ZBTB7C: variants seen among roughly 807,000 people sequenced by gnomAD.
ZBTB7C encodes zinc finger and BTB domain-containing protein 7C.
A neutral mutation model predicts 25.7 loss-of-function variants in ZBTB7C; 8 were observed. That is an observed-to-expected ratio of 0.31 (90% CI 0.18 to 0.56). The LOEUF is 0.56. Among genes scored for constraint, ZBTB7C ranks in the 20% least tolerant of loss-of-function variants. The pLI is 0.91. For synonymous variants in ZBTB7C, 394 were observed against 369.0 expected, an observed-to-expected ratio of 1.07 and a Z score of -0.78; for missense variants, 824 against 855.2, an observed-to-expected ratio of 0.96 and a Z score of 0.46.
intron 2 of ZBTB7C, among the ~76,000 whole-genome samples, chr18:48,255,632 G>A (rs1346892099): frequency 6.6e-6 from 1 of 152,174 alleles, no homozygotes; most frequent in Non-Finnish European, 1.5e-5. Context: ...TACAAGAAAA[G>A]TAACTTTGAA....
At chr18:48,103,636 A>T (rs1459309972) in intron 3 of ZBTB7C, among the ~76,000 whole-genome samples, 1 of 152,226 alleles carries the variant, frequency 6.6e-6, no homozygotes, top group Non-Finnish European at 1.5e-5. Flanking sequence ...CTGTGCACAA[A>T]TGTTTATAGC....
chr18:48,349,459 G>C (rs766230604), intron 1 of ZBTB7C, among the ~76,000 whole-genome samples: 1 of 151,722 alleles, frequency 6.6e-6, no homozygotes, highest in African/African-American at 2.4e-5. Context: ...GTCCTGTTGA[G>C]ATGACACATT....
intron 2 of ZBTB7C, among the ~76,000 whole-genome samples, chr18:48,227,300 G>A (rs558313514): frequency 9.8e-5 from 15 of 152,326 alleles, no homozygotes; most frequent in South Asian, 8.3e-4. Flanking sequence ...ACATGTGTAC[G>A]GCCTGGCAGT....
intron 3 of ZBTB7C, among the ~76,000 whole-genome samples, chr18:48,144,592 C>T (rs754488404): frequency 7.9e-5 from 12 of 152,136 alleles, no homozygotes; most frequent in Non-Finnish European, 1.5e-4. Flanking sequence ...GCCATCTGCT[C>T]GCCTCAGCCT....
intron 3 of ZBTB7C, among the ~76,000 whole-genome samples, chr18:48,155,740 G>A (rs2040823239): frequency 6.6e-6 from 1 of 152,168 alleles, no homozygotes; most frequent in Non-Finnish European, 1.5e-5. Flanking sequence ...TCTCATTGCA[G>A]GAAGGGGATG....
At chr18:48,275,029 A>AT (rs1299193163) in intron 2 of ZBTB7C, among the ~76,000 whole-genome samples, 1 of 152,226 alleles carries the variant, frequency 6.6e-6, no homozygotes, top group African/African-American at 2.4e-5. Context: ...TCCAACTTGA[A>AT]GCCAAAGTTA....
chr18:48,027,154 C>A lies in ZBTB7C; in HGVS notation c.*2106G>T, dbSNP rs904630587. The stretch of plus-strand genomic sequence containing the variant: ...CAAAACAAAAACACAACCACCCCTC[C>A]CCCCACAACCCATTTGCTTCAAGTT... On this transcript the variant is annotated 3_prime_UTR_variant, in exon 5 of 5. Coordinates refer to ENST00000590800, the MANE Select transcript of ZBTB7C (RefSeq NM_001318841.2). 6.6e-6 allele frequency: 1 copy of A among 151,522 alleles called. No individual in the cohort carries two copies. Among genetic ancestry groups the A allele is most frequent in the African/African-American group, 2.4e-5 (1 of 41,258 alleles). The allele number at this position is 151,522 out of a possible 1,614,324, so 9.4% of individuals were successfully genotyped here.
chr18:48,131,745 C>T (rs1055760115), intron 3 of ZBTB7C, among the ~76,000 whole-genome samples: 9 of 152,142 alleles, frequency 5.9e-5, no homozygotes, highest in African/African-American at 2.2e-4. Flanking sequence ...GCAGGATGCT[C>T]AAGAGGTCTG....
At chr18:48,109,970 T>C (rs1568226045) in intron 3 of ZBTB7C, among the ~76,000 whole-genome samples, 1 of 152,018 alleles carries the variant, frequency 6.6e-6, no homozygotes, top group Non-Finnish European at 1.5e-5. Flanking sequence ...GCAGCAAAGG[T>C]GGTCTGAGAC....
chr18:48,327,152 C>A (rs1016623282), intron 2 of ZBTB7C, among the ~76,000 whole-genome samples: 12 of 152,142 alleles, frequency 7.9e-5, no homozygotes, highest in Admixed American at 5.9e-4. Context: ...GGCCTGGTCT[C>A]TCTGTCTCTT....
intron 3 of ZBTB7C, among the ~76,000 whole-genome samples, chr18:48,091,238 ATTTTTTTT>A (rs35051690): frequency 5.7e-4 from 37 of 64,676 alleles, no homozygotes; most frequent in South Asian, 1.4e-3. Context: ...TGCCCGGATA[ATTTTTTTT>A]TTTTTTTTTT....
Position 48,370,976 on chromosome 18 carries a change from G to A in ZBTB7C, c.-303-32578C>T, listed in dbSNP as rs1001131034. On this transcript the variant is annotated intron_variant, in intron 1 of 4. Coordinates refer to ENST00000590800, the MANE Select transcript of ZBTB7C (RefSeq NM_001318841.2). ...CCACAAAGGAGAGAAAAGCAGGCAC[G>A]AGGCAGGAGGTGATTCAAGACACAT... 3.9e-5 allele frequency among the ~76,000 whole-genome samples: 6 copies of A among 152,140 alleles called. No homozygotes were observed. In the East Asian group the frequency reaches 1.2e-3, roughly 29 times the overall value.
chr18:48,322,194 T>A (rs2046112075), intron 2 of ZBTB7C, among the ~76,000 whole-genome samples: 1 of 152,128 alleles, frequency 6.6e-6, no homozygotes, highest in Non-Finnish European at 1.5e-5. Context: ...CCCATAGCCC[T>A]CCTATAAACC....
At chr18:48,164,746 T>C (rs932517681) in intron 3 of ZBTB7C, among the ~76,000 whole-genome samples, 1 of 152,130 alleles carries the variant, frequency 6.6e-6, no homozygotes, top group African/African-American at 2.4e-5. Flanking sequence ...AGAGTGTGAA[T>C]AACTTAACCA....
At chr18:48,158,227 G>GC (rs1381260429) in intron 3 of ZBTB7C, among the ~76,000 whole-genome samples, 8 of 152,218 alleles carry the variant, frequency 5.3e-5, no homozygotes, top group Admixed American at 5.2e-4. Flanking sequence ...TTTGGTGGCT[G>GC]CCAAAGGTGC....
At chr18:48,318,084 C>T (rs896742142) in intron 2 of ZBTB7C, among the ~76,000 whole-genome samples, 2 of 152,140 alleles carry the variant, frequency 1.3e-5, no homozygotes, top group African/African-American at 4.8e-5. Flanking sequence ...GGCTTCCAGG[C>T]CCTCTAGATG....
chr18:48,209,737 A>C (rs566872354), intron 2 of ZBTB7C, among the ~76,000 whole-genome samples: 1 of 151,646 alleles, frequency 6.6e-6, no homozygotes, highest in South Asian at 2.1e-4. Flanking sequence ...CCTGGGCAAC[A>C]GAACAAGATC....
intron 2 of ZBTB7C, among the ~76,000 whole-genome samples, chr18:48,332,592 C>T (rs974017879): frequency 6.6e-6 from 1 of 150,998 alleles, no homozygotes; most frequent in Non-Finnish European, 1.5e-5. Flanking sequence ...ATGGAAGATG[C>T]TCTCCTACCA....
In ZBTB7C at chr18:48,367,188, T is replaced by C. The variant is rs1230443440; in HGVS notation, c.-303-28790A>G. Among the ~76,000 whole-genome samples the C allele has an allele frequency of 9.3e-3, 257 of 27,680 alleles. 13 individuals are homozygous for C. The highest frequency in any genetic ancestry group is 0.022 in the African/African-American group (230 of 10,476). The allele number at this position is 27,680 out of a possible 152,430, so 18.2% of individuals were successfully genotyped here. ...TCTCCCCAAGTTTTATATATATATATATATATATATATATACACACACACA... is the reference window on the plus strand; with the variant it reads ...TCTCCCCAAGTTTTATATATATATACATATATATATATATACACACACACA... On this transcript the variant is annotated intron_variant, in intron 1 of 4. Coordinates refer to ENST00000590800, the MANE Select transcript of ZBTB7C (RefSeq NM_001318841.2).
Sources: gnomAD v4.1 joint callset for allele counts (sites outside exome capture counted in the v4.1 genomes callset) on GRCh38, gnomAD v4.1.1 for gene constraint, MANE v1.5 for transcripts, NCBI Gene and HGNC (gene_info 2026-07-23, HGNC 2026-07-21) for gene names.